BCL11A: variants seen among roughly 807,000 people sequenced by gnomAD.
BCL11A encodes BCL11 transcription factor A, also known as B cell CLL/lymphoma 11A.
In BCL11A, 2 loss-of-function variants were observed where a neutral mutation model predicts 55.9. The ratio of observed to expected loss-of-function variants is 0.04; its 90% CI spans 0.01 to 0.11. BCL11A has a LOEUF of 0.11. BCL11A is among the 10% of genes least tolerant of loss of function. The pLI is 1.00. For missense variants in BCL11A, 817 were observed against 1,137.1 expected, an observed-to-expected ratio of 0.72 and a Z score of 4.05; for synonymous variants, 465 against 473.4, an observed-to-expected ratio of 0.98 and a Z score of 0.23.
intron 2 of BCL11A, among the ~76,000 whole-genome samples, chr2:60,492,615 C>CCTCCCT (rs1678702677): frequency 6.9e-6 from 1 of 144,540 alleles, no homozygotes; most frequent in African/African-American, 2.6e-5. Context: ...AGTGGGCCTC[C>CCTCCCT]CTCTCTCTCT....
At chr2:60,552,772 C>A (rs1573108851) in intron 1 of BCL11A, among the ~76,000 whole-genome samples, 1 of 152,162 alleles carries the variant, frequency 6.6e-6, no homozygotes, top group Non-Finnish European at 1.5e-5. Flanking sequence ...TCCCTACCCC[C>A]CCATTTTCTT....
intron 2 of BCL11A, chr2:60,544,676 C>T (rs149787158): frequency 2.6e-5 from 4 of 152,274 alleles, no homozygotes; most frequent in Non-Finnish European, 4.4e-5. Flanking sequence ...CAAACTAGGT[C>T]GGAGAGACAA....
At chr2:60,467,147 ATGGTGGTGGTGGTGGTGGTGATGGTGG>A in intron 3 of BCL11A, among the ~76,000 whole-genome samples, 1 of 45,032 alleles carries the variant, frequency 2.2e-5, no homozygotes, top group Non-Finnish European at 5.4e-5. Flanking sequence ...GTTGGTGGTG[ATGGTGGTGGTGGTGGTGGTGATGGTGG>A]TGGTGGTGGT....
At chr2:60,473,023 G>A (rs1047638691) in intron 2 of BCL11A, among the ~76,000 whole-genome samples, 11 of 131,282 alleles carry the variant, frequency 8.4e-5, no homozygotes, top group African/African-American at 2.8e-4. Context: ...ACATATGTGT[G>A]TTAGCGTGTG....
At chr2:60,552,286 T>C (rs1346859555) in intron 1 of BCL11A, among the ~76,000 whole-genome samples, 1 of 152,080 alleles carries the variant, frequency 6.6e-6, no homozygotes, top group African/African-American at 2.4e-5. Context: ...TATGTGCCAG[T>C]CTTCTCCTTG....
At chr2:60,530,301 G>A (rs1210898362) in intron 2 of BCL11A, among the ~76,000 whole-genome samples, 1 of 147,474 alleles carries the variant, frequency 6.8e-6, no homozygotes, top group African/African-American at 2.5e-5. Context: ...TTAATTCACA[G>A]GCCCTTCCAA....
At chr2:60,547,571 T>A (rs540800493) in intron 1 of BCL11A, among the ~76,000 whole-genome samples, 2 of 151,342 alleles carry the variant, frequency 1.3e-5, no homozygotes, top group East Asian at 3.9e-4. Flanking sequence ...TTAATAAAAC[T>A]GAAGCAGAAA....
At chr2:60,544,794 C>G (rs575737071) in intron 2 of BCL11A, 1 of 152,378 alleles carries the variant, frequency 6.6e-6, no homozygotes, top group South Asian at 2.1e-4. Context: ...GATCCACCAA[C>G]AGGCATGGCA....
intron 2 of BCL11A, chr2:60,536,115 G>A (rs958305764): frequency 1.3e-5 from 2 of 152,118 alleles, no homozygotes; most frequent in African/African-American, 4.8e-5. Context: ...TAACAGCTTC[G>A]AAAGGCCACG....
intron 1 of BCL11A, among the ~76,000 whole-genome samples, chr2:60,547,297 A>G (rs1670199125): frequency 6.6e-6 from 1 of 152,368 alleles, no homozygotes; most frequent in East Asian, 1.9e-4. Context: ...AATGAGCTCC[A>G]AAATGCTTCA....
chr2:60,530,718 G>A lies in BCL11A; in HGVS notation c.385+15253C>T, dbSNP rs187768321. On this transcript the variant is annotated intron_variant, in intron 2 of 3. Transcript: ENST00000642384. ...AAAGGAAAAAAAAAACACTGAAAAG[G>A]CTTGGCTGCACTGGGGCCCTGACAC... Among the ~76,000 whole-genome samples, 9 of 151,290 alleles carry A rather than the reference G, an allele frequency of 5.9e-5. 1 individual carries two copies. The East Asian group carries it at 7.7e-4, about 13-fold the overall frequency.
Position 60,553,234 on chromosome 2 carries a change from T to TTAAGTGCTGGGGTTTGCC in BCL11A, c.19_36dup (p.Gly7_Leu12dup). On this transcript the variant is annotated inframe_insertion, in exon 1 of 4. Transcript: ENST00000642384. ...TACTTACGCGAGAATTCCCGTTTGCTTAAGTGCTGGGGTTTGCCTTGCTTG... is the reference window on the plus strand; with the variant it reads ...TACTTACGCGAGAATTCCCGTTTGCTTAAGTGCTGGGGTTTGCCTAAGTGCTGGGGTTTGCCTTGCTTG... The TTAAGTGCTGGGGTTTGCC allele has an allele frequency of 6.2e-7, 1 of 1,602,568 alleles. No individual in the cohort carries two copies. Among genetic ancestry groups the TTAAGTGCTGGGGTTTGCC allele is most frequent in the Non-Finnish European group, 8.5e-7 (1 of 1,176,512 alleles).
At chr2:60,516,768 A>C (rs563154277) in intron 2 of BCL11A, among the ~76,000 whole-genome samples, 3 of 152,370 alleles carry the variant, frequency 2.0e-5, no homozygotes, top group African/African-American at 7.2e-5. Context: ...CTGGTTTTTA[A>C]AAAAGCAAGC....
intron 2 of BCL11A, among the ~76,000 whole-genome samples, chr2:60,473,146 ATG>A (rs773617639): frequency 1.1e-4 from 17 of 151,680 alleles, no homozygotes; most frequent in Admixed American, 6.6e-4. Context: ...TAGCGTGTTC[ATG>A]TGTGTGTATA....
At chr2:60,527,926 G>C (rs917351917) in intron 2 of BCL11A, 5 of 152,266 alleles carry the variant, frequency 3.3e-5, no homozygotes, top group Non-Finnish European at 7.3e-5. Flanking sequence ...GCAGCCTGTG[G>C]AGTGACTGGG....
chr2:60,517,941 C>CATGCATGCATACA (rs1573044826), intron 2 of BCL11A, among the ~76,000 whole-genome samples: 5 of 148,518 alleles, frequency 3.4e-5, no homozygotes, highest in African/African-American at 1.1e-4. Context: ...GGAACAAGAA[C>CATGCATGCATACA]CTTACTCTAA....
At chr2:60,495,517 T>C (rs1678895382) in intron 2 of BCL11A, among the ~76,000 whole-genome samples, 1 of 152,242 alleles carries the variant, frequency 6.6e-6, no homozygotes, top group Non-Finnish European at 1.5e-5. Context: ...ATCACAGGAA[T>C]AGCACCCAAG....
At chr2:60,526,754 A>G (rs1380825292) in intron 2 of BCL11A, 1 of 152,260 alleles carries the variant, frequency 6.6e-6, no homozygotes, top group Non-Finnish European at 1.5e-5. Context: ...GCCATAAATT[A>G]CATGACAACT....
downstream of BCL11A, chr2:60,452,294 C>A: frequency 3.0e-6 from 1 of 329,230 alleles, no homozygotes; most frequent in South Asian, 5.9e-5. Context: ...TCAGAAGGGC[C>A]AGGGCATCAC....
Sources: gnomAD v4.1 joint callset for allele counts (sites outside exome capture counted in the v4.1 genomes callset) on GRCh38, gnomAD v4.1.1 for gene constraint, MANE v1.5 for transcripts, NCBI Gene and HGNC (gene_info 2026-07-23, HGNC 2026-07-21) for gene names.